INPP5J: variants seen among roughly 807,000 people sequenced by gnomAD.
INPP5J encodes the protein inositol polyphosphate-5-phosphatase J.
Under a neutral mutation model 86.6 loss-of-function variants are expected in INPP5J, and 75 were observed. The observed-to-expected ratio is 0.87, with a 90% CI of 0.72 to 1.05. INPP5J has a LOEUF of 1.05. Ranked by LOEUF, INPP5J falls within the 50% of genes least tolerant of loss-of-function variation. INPP5J has a pLI of 0.00. For missense variants in INPP5J, 1,229 were observed against 1,341.2 expected (o/e 0.92, Z 1.31); for synonymous variants, 540 against 550.0 (o/e 0.98, Z 0.25).
chr22:31,131,361 G>A (rs1922048016), intron 9 of INPP5J, among the ~76,000 whole-genome samples: 1 of 151,990 alleles, frequency 6.6e-6, no homozygotes, highest in South Asian at 2.1e-4. Context: ...TCAGGAGTTC[G>A]AGACCAGCCT....
chr22:31,127,089 A>T, intron 5 of INPP5J, 52 bp downstream of exon 5: 1 of 1,242,298 alleles, frequency 8.0e-7, no homozygotes, highest in Non-Finnish European at 1.1e-6. Flanking sequence ...GGGGCTTTAG[A>T]TTAGTCCCCC....
chr22:31,132,976 C>G (rs573073520), intron 9 of INPP5J, 122 bp from the exon 10 acceptor site: 3 of 1,307,182 alleles, frequency 2.3e-6, no homozygotes, highest in Admixed American at 4.2e-5. Flanking sequence ...GCCTCAGTTT[C>G]CCAGTCTGTA....
At chr22:31,129,617 C>T (rs1921883695) in intron 9 of INPP5J, among the ~76,000 whole-genome samples, 1 of 148,100 alleles carries the variant, frequency 6.8e-6, no homozygotes, top group Non-Finnish European at 1.5e-5. Flanking sequence ...GGTCTCGGCT[C>T]ACTGCAACCT....
rs1921321452 is a variant in INPP5J, at chr22:31,125,735, C to G, written c.996C>G (p.Pro332=). The change falls in exon 2 of 13, where the codon CCC becomes CCG. Residue 332 remains proline (P), a synonymous_variant. Transcript: ENST00000331075. ...CCCCCACCTTCCGGCCTGGGGCCCCCTCAGGCCAGACTGTGCCCCCACCTC... is the reference window on the plus strand; with the variant it reads ...CCCCCACCTTCCGGCCTGGGGCCCCGTCAGGCCAGACTGTGCCCCCACCTC... ...LLSPTFRPGA[P]SGQTVPPPLP... 2 of 1,551,032 alleles carry G rather than the reference C, an allele frequency of 1.3e-6. No homozygotes were observed. Among genetic ancestry groups the G allele is most frequent in the Non-Finnish European group, 1.7e-6 (2 of 1,146,752 alleles).
intron 9 of INPP5J, 24 bp downstream of exon 9, chr22:31,128,678 C>G (rs376558715): frequency 1.3e-6 from 2 of 1,543,394 alleles, no homozygotes; most frequent in Admixed American, 2.0e-5. Context: ...TCATCCTCCC[C>G]GCATGAAATC....
In INPP5J at chr22:31,134,216, G is replaced by A. The variant is rs200526941; in HGVS notation, c.2818G>A (p.Gly940Arg). ...CAGCAGCCGGGGCAGTAGTGAAGAG[G>A]GGCCCTCTGGGTTGCCTGGCCCCTG... Reference protein sequence around the residue: ...NGSSRGSSEEGPSGLPGPWAF... With the variant: ...NGSSRGSSEERPSGLPGPWAF... The change falls in exon 13 of 13, where the codon GGG becomes AGG. Residue 940 changes from glycine (G) to arginine (R), a missense_variant. By Grantham distance (125) the Gly-to-Arg change is moderately radical (BLOSUM62 -2). Coordinates refer to ENST00000331075, the MANE Select transcript of INPP5J (RefSeq NM_001284285.2). 69 of 1,550,020 alleles carry A rather than the reference G, an allele frequency of 4.5e-5. No homozygotes were observed. Among genetic ancestry groups the A allele is most frequent in the Admixed American group, 5.9e-5 (3 of 50,946 alleles).
Position 31,133,408 on chromosome 22 carries a change from G to A in INPP5J, c.2334G>A (p.Val778=), listed in dbSNP as rs760601625. 3 of 1,613,800 alleles carry A rather than the reference G, an allele frequency of 1.9e-6. No individual in the cohort carries two copies. Among genetic ancestry groups the A allele is most frequent in the Middle Eastern group, 1.6e-4 (1 of 6,062 alleles). ...SSWDWIGLYR[V]GFRHCKDYVA... ...ATTCCACAACACTGATCCCCCAGGT[G>A]GGTTTCCGCCATTGCAAGGACTATG... is the stretch of plus-strand genomic sequence containing the variant. The change falls in exon 11 of 13, where the codon GTG becomes GTA. Residue 778 remains valine (V), a splice_region_variant and synonymous_variant. Coordinates refer to ENST00000331075, the MANE Select transcript of INPP5J (RefSeq NM_001284285.2).
Position 31,127,518 on chromosome 22 carries a change from C to T in INPP5J, c.1773C>T (p.Gly591=). ...LQQFQGPGAQ[G]ILDHDLVFWF... Reference sequence around the variant, plus strand: ...AGTTCCAAGGGCCGGGCGCACAGGGCATCCTGGATCATGAGTATGGGCTGG... The same window carrying T: ...AGTTCCAAGGGCCGGGCGCACAGGGTATCCTGGATCATGAGTATGGGCTGG... Residue 591 remains glycine (G), a synonymous_variant, in exon 6 of 13, where the codon GGC becomes GGT. Transcript: ENST00000331075. 1 of 1,612,796 alleles carries T rather than the reference C, an allele frequency of 6.2e-7. No individual in the cohort carries two copies. The highest frequency in any genetic ancestry group is 8.5e-7 in the Non-Finnish European group (1 of 1,179,244).
intron 3 of INPP5J, 23 bp downstream of exon 3, chr22:31,126,512 C>A: frequency 6.2e-7 from 1 of 1,608,620 alleles, no homozygotes; most frequent in Non-Finnish European, 8.5e-7. Context: ...GGCATGTGGA[C>A]CCCCTCCTGA....
At chr22:31,122,731 G>A (rs930144911), upstream of INPP5J, 23 of 398,360 alleles carry the variant, frequency 5.8e-5, no homozygotes, top group Non-Finnish European at 1.0e-4. Flanking sequence ...CGGCAGAAAG[G>A]TGAAGGTAGA....
chr22:31,127,588 T>G, intron 6 of INPP5J, 56 bp downstream of exon 6: 1 of 1,527,690 alleles, frequency 6.5e-7, no homozygotes, highest in Non-Finnish European at 8.9e-7. Flanking sequence ...ATGGGGGTTT[T>G]TGTACCACCT....
In INPP5J at chr22:31,125,570, C is replaced by G. The variant is rs573177987; in HGVS notation, c.831C>G (p.Leu277=). ...PCIQTSPDPR[L]SPSFRARPEA... ...TCCAAACCTCCCCAGACCCTCGGCT[C>G]TCCCCCTCCTTCCGAGCCCGGCCTG... The change falls in exon 2 of 13, where the codon CTC becomes CTG. Residue 277 remains leucine, a synonymous_variant. Transcript: ENST00000331075. The G allele has an allele frequency of 6.4e-7, 1 of 1,550,568 alleles. No homozygotes were observed. The highest frequency in any genetic ancestry group is 1.4e-5 in the African/African-American group (1 of 73,176).
intron 5 of INPP5J, 81 bp downstream of exon 5, chr22:31,127,118 G>T: frequency 9.8e-7 from 1 of 1,025,296 alleles, no homozygotes; most frequent in South Asian, 1.4e-5. Context: ...GCACAGCAAG[G>T]TCCCCTTCCC....
In INPP5J at chr22:31,126,068, C is replaced by A. The variant is rs1457456326; in HGVS notation, c.1271+58C>A. 4.9e-6 allele frequency: 7 copies of A among 1,432,032 alleles called. No homozygotes were observed. In the African/African-American group the frequency reaches 1.0e-4, roughly 20 times the overall value. 88.7% of individuals were successfully genotyped at this position (1,432,032 alleles called of 1,614,324 possible). A position where few individuals can be genotyped will look rare whatever the true frequency, so the allele number is the denominator to read the frequency against. On this transcript the variant is annotated intron_variant, in intron 2 of 12. Transcript: ENST00000331075. ...GGGCTTAGCTCTGAGGTTAGCCATT[C>A]TTCCAGGGTGGATGGTGTGCTCTAC...
rs1921662668 is a variant in INPP5J, at chr22:31,127,941, C to T, written c.1788-10C>T. 6.3e-7 allele frequency: 1 copy of T among 1,577,294 alleles called. No individual in the cohort carries two copies. The highest frequency in any genetic ancestry group is 1.1e-5 in the South Asian group (1 of 90,106). ...CCCCCCACATCTCTCCCATCCCCCA[C>T]CCCAAACAGCCTCGTGTTCTGGTTC... On this transcript the variant is annotated splice_polypyrimidine_tract_variant and intron_variant, in intron 6 of 12. Coordinates refer to ENST00000331075, the MANE Select transcript of INPP5J (RefSeq NM_001284285.2).
chr22:31,130,729 G>T (rs1921992248), intron 9 of INPP5J, among the ~76,000 whole-genome samples: 1 of 152,104 alleles, frequency 6.6e-6, no homozygotes, highest in East Asian at 1.9e-4. Flanking sequence ...TGGGGAGGGA[G>T]AGCAAAGATA....
In INPP5J at chr22:31,128,209, C is replaced by G; in HGVS notation, c.1900-5C>G. 6.3e-7 allele frequency: 1 copy of G among 1,585,640 alleles called. No individual in the cohort carries two copies. Among genetic ancestry groups the G allele is most frequent in the Non-Finnish European group, 8.6e-7 (1 of 1,165,124 alleles). ...GTCCAATCTGCTCTCCTGGACCCCC[C>G]ACAGCTCAACATGGCCAAGAACACC... On this transcript the variant is annotated splice_region_variant and splice_polypyrimidine_tract_variant and intron_variant, in intron 7 of 12. Coordinates refer to ENST00000331075, the MANE Select transcript of INPP5J (RefSeq NM_001284285.2).
intron 3 of INPP5J, 34 bp downstream of exon 3, chr22:31,126,523 G>A (rs1390140805): frequency 2.4e-5 from 38 of 1,605,962 alleles, no homozygotes; most frequent in Non-Finnish European, 3.2e-5. Flanking sequence ...CCCCTCCTGA[G>A]CCCCTCGGGC....
chr22:31,126,546 C>A (rs1314190171), intron 3 of INPP5J, 57 bp downstream of exon 3: 17 of 1,597,536 alleles, frequency 1.1e-5, no homozygotes, highest in African/African-American at 1.3e-5. Context: ...TCCGGGCCCT[C>A]CACCCATGGC....
Sources: allele counts gnomAD v4.1 joint callset (sites outside exome capture counted in the v4.1 genomes callset), GRCh38; gene constraint gnomAD v4.1.1; transcripts MANE v1.5; gene names NCBI Gene and HGNC (gene_info 2026-07-23, HGNC 2026-07-21).